SLC9C1: variants seen among roughly 807,000 people sequenced by gnomAD.
The protein encoded by SLC9C1 is sodium/hydrogen exchanger 10.
SLC9C1 carries 97 observed loss-of-function variants against 140.9 expected under a neutral mutation model. The observed-to-expected ratio is 0.69, with a 90% CI of 0.58 to 0.82. The LOEUF (loss-of-function observed/expected upper bound fraction) is 0.82, where lower values mean the gene tolerates loss of function less well. Among genes scored for constraint, SLC9C1 ranks in the 40% least tolerant of loss-of-function variants. The pLI, the probability that SLC9C1 is intolerant of heterozygous loss-of-function variation, is 0.00. For synonymous variants in SLC9C1, 440 were observed against 442.6 expected (o/e 0.99, Z 0.07); for missense variants, 1,340 against 1,389.3 (o/e 0.96, Z 0.56).
intron 15 of SLC9C1, among the ~76,000 whole-genome samples, chr3:112,211,300 T>C (rs1362430074): frequency 1.3e-5 from 2 of 152,154 alleles, no homozygotes; most frequent in Non-Finnish European, 2.9e-5. Context: ...AGACAGGTGA[T>C]TTCTGCATTT....
Position 112,208,381 on chromosome 3 carries a change from A to G in SLC9C1, c.1791-8T>C. On this transcript the variant is annotated splice_region_variant and splice_polypyrimidine_tract_variant and intron_variant, in intron 15 of 28. Transcript: ENST00000305815. ...ATACGAAAAAAGAAGTATCTGTAAAACAAAAAGACAGTTTTATCTGATAAA... is the reference window on the plus strand; with the variant it reads ...ATACGAAAAAAGAAGTATCTGTAAAGCAAAAAGACAGTTTTATCTGATAAA... The G allele has an allele frequency of 2.0e-6, 3 of 1,508,836 alleles. No homozygotes were observed. Among genetic ancestry groups the G allele is most frequent in the Non-Finnish European group, 8.9e-7 (1 of 1,121,090 alleles). The allele number at this position is 1,508,836 out of a possible 1,614,324, so 93.5% of individuals were successfully genotyped here. A position where few individuals can be genotyped will look rare whatever the true frequency, so the allele number is the denominator to read the frequency against.
At chr3:112,190,702 G>A (rs556314779) in intron 20 of SLC9C1, among the ~76,000 whole-genome samples, 2 of 151,716 alleles carry the variant, frequency 1.3e-5, no homozygotes, top group South Asian at 4.2e-4. Context: ...TGTAAATTTT[G>A]TTTATATATC....
At position 112,179,292 on chromosome 3, in the gene SLC9C1, A is replaced by G. The variant is rs149970804; in HGVS notation, c.2919+239T>C. On this transcript the variant is annotated intron_variant, in intron 23 of 28. Coordinates refer to ENST00000305815, the MANE Select transcript of SLC9C1 (RefSeq NM_183061.3). Reference sequence around the variant, plus strand: ...CCAATTTCCCCATGAAAGAGCTTATATTGCCAGTTTTTCTGGATACATCTT... The same window carrying G: ...CCAATTTCCCCATGAAAGAGCTTATGTTGCCAGTTTTTCTGGATACATCTT... Among the ~76,000 whole-genome samples the G allele has an allele frequency of 2.8e-3, 420 of 152,234 alleles. 1 individual carries two copies. Among genetic ancestry groups the G allele is most frequent in the Non-Finnish European group, 3.7e-3 (251 of 68,008 alleles).
intron 28 of SLC9C1, chr3:112,151,535 A>G (rs778051346): frequency 7.6e-6 from 4 of 525,138 alleles, no homozygotes; most frequent in Non-Finnish European, 1.5e-5. Context: ...TTATCTTTTT[A>G]TATCTTCCAA....
chr3:112,211,571 G>C (rs911682983), intron 15 of SLC9C1, among the ~76,000 whole-genome samples: 2 of 152,246 alleles, frequency 1.3e-5, no homozygotes, highest in Admixed American at 1.3e-4. Flanking sequence ...CCCGCACCTG[G>C]CTCGGAGGGT....
chr3:112,225,228 T>C (rs984420653), intron 13 of SLC9C1, among the ~76,000 whole-genome samples: 5 of 152,242 alleles, frequency 3.3e-5, no homozygotes, highest in East Asian at 1.9e-4. Flanking sequence ...TAAGATAATA[T>C]GGTTGAAGTG....
At chr3:112,219,671 G>A (rs1376357677) in intron 14 of SLC9C1, among the ~76,000 whole-genome samples, 2 of 151,996 alleles carry the variant, frequency 1.3e-5, no homozygotes, top group Non-Finnish European at 2.9e-5. Flanking sequence ...CTCTGCCTTC[G>A]GGGTTCAAGC....
intron 20 of SLC9C1, among the ~76,000 whole-genome samples, chr3:112,184,947 A>G (rs956306780): frequency 2.0e-5 from 3 of 152,144 alleles, no homozygotes; most frequent in Admixed American, 6.5e-5. Flanking sequence ...TGGTGTGTGC[A>G]TCACAGAGCA....
intron 23 of SLC9C1, among the ~76,000 whole-genome samples, chr3:112,173,021 G>A (rs886963504): frequency 1.3e-5 from 2 of 151,992 alleles, no homozygotes; most frequent in African/African-American, 4.8e-5. Context: ...TTGCTGAAAT[G>A]TTTTTTCAAG....
At chr3:112,271,182 G>A (rs1394431862) in intron 6 of SLC9C1, among the ~76,000 whole-genome samples, 1 of 152,002 alleles carries the variant, frequency 6.6e-6, no homozygotes, top group East Asian at 1.9e-4. Flanking sequence ...TAGGGAGGAA[G>A]AGAATAGGGA....
At chr3:112,271,410 T>TATATATATATATATATATATATATATA (rs1553704077) in intron 6 of SLC9C1, among the ~76,000 whole-genome samples, 1 of 148,286 alleles carries the variant, frequency 6.7e-6, no homozygotes, top group Non-Finnish European at 1.5e-5. Context: ...TATATATATA[T>TATATATATATATATATATATATATATA]CAAAGCCTCA....
At chr3:112,206,850 G>A (rs1037419475) in intron 16 of SLC9C1, among the ~76,000 whole-genome samples, 5 of 66,194 alleles carry the variant, frequency 7.6e-5, no homozygotes, top group South Asian at 1.2e-3. Context: ...TCGTGGGGTC[G>A]GGGGCTGGGG....
intron 10 of SLC9C1, among the ~76,000 whole-genome samples, chr3:112,258,981 A>G (rs1326069419): frequency 3.3e-5 from 5 of 152,134 alleles, no homozygotes; most frequent in Admixed American, 6.5e-5. Flanking sequence ...CTCACTCACT[A>G]TCATGAGAAC....
At chr3:112,194,123 A>T (rs889148124) in intron 20 of SLC9C1, among the ~76,000 whole-genome samples, 1 of 152,036 alleles carries the variant, frequency 6.6e-6, no homozygotes, top group Non-Finnish European at 1.5e-5. Flanking sequence ...ACACCTTATG[A>T]TCCTAATCTG....
chr3:112,263,161 T>C (rs1009701710), intron 9 of SLC9C1, 63 bp from the exon 10 acceptor site: 3 of 1,380,410 alleles, frequency 2.2e-6, no homozygotes, highest in Non-Finnish European at 2.9e-6. Context: ...CATTTCATGC[T>C]ACTCTATTCT....
rs74840030 is a variant in SLC9C1 at position 112,182,252 on chromosome 3, T to C, written c.2530A>G (p.Met844Val). The change falls in exon 21 of 29, where the codon ATG becomes GTG. Residue 844 changes from methionine (M) to valine (V), a missense_variant. Coordinates refer to ENST00000305815, the MANE Select transcript of SLC9C1 (RefSeq NM_183061.3). Reference protein sequence around the residue: ...TEGAGINKLIMAKKKEVLDSQ... With the variant: ...TEGAGINKLIVAKKKEVLDSQ... ...TCAAGCACCTCTTTCTTTTTGGCCA[T>C]GATTAACTAAAACATAAAATTTAAG... The C allele has an allele frequency of 0.052, 82,440 of 1,598,078 alleles. 2,484 individuals carry two copies. The highest frequency in any genetic ancestry group is 0.091 in the South Asian group (7,910 of 86,900).
intron 16 of SLC9C1, among the ~76,000 whole-genome samples, chr3:112,207,568 A>G (rs2078089017): frequency 1.3e-5 from 2 of 152,142 alleles, no homozygotes; most frequent in Admixed American, 1.3e-4. Flanking sequence ...ACTCTGACCA[A>G]TTCATTCCTG....
chr3:112,233,993 C>A (rs1263711741), intron 12 of SLC9C1, among the ~76,000 whole-genome samples: 1 of 152,120 alleles, frequency 6.6e-6, no homozygotes, highest in Non-Finnish European at 1.5e-5. Context: ...TGGGTATATA[C>A]CCAGTAATGG....
chr3:112,155,095 A>G, intron 26 of SLC9C1, 46 bp from the exon 27 acceptor site: 1 of 1,516,048 alleles, frequency 6.6e-7, no homozygotes, highest in South Asian at 1.2e-5. Flanking sequence ...CACTGAAGCA[A>G]GTGACTATTT....
Sources: gnomAD v4.1 joint callset for allele counts (sites outside exome capture counted in the v4.1 genomes callset) on GRCh38, gnomAD v4.1.1 for gene constraint, MANE v1.5 for transcripts, NCBI Gene and HGNC (gene_info 2026-07-23, HGNC 2026-07-21) for gene names.